The following IDE variants were observed in gnomAD, a reference collection of about 807,000 sequenced individuals.
IDE encodes the protein insulin-degrading enzyme.
Under a neutral mutation model 133.2 loss-of-function variants are expected in IDE, and 58 were observed. That is an observed-to-expected ratio of 0.44 (90% CI 0.35 to 0.54). The LOEUF (loss-of-function observed/expected upper bound fraction) is 0.54, where lower values mean the gene tolerates loss of function less well. Among genes scored for constraint, IDE ranks in the 20% least tolerant of loss-of-function variants. The pLI is 0.00. For missense variants in IDE, 981 were observed against 1,234.0 expected (o/e 0.79, Z 3.07); for synonymous variants, 396 against 421.3 (o/e 0.94, Z 0.73).
In IDE at chr10:92,515,077, C is replaced by T. The variant is rs188820973; in HGVS notation, c.662-35G>A. ...AAGAAAAGGGATTTCTTAGAAAAAG[C>T]AAAATATGTGGACTTTTAAAGTTTT... On this transcript the variant is annotated intron_variant, in intron 4 of 24. Transcript: ENST00000265986. The T allele has an allele frequency of 1.7e-4, 266 of 1,545,858 alleles. No homozygotes were observed. The African/African-American group carries it at 3.2e-3, about 19-fold the overall frequency.
chr10:92,476,928 G>A (rs1201972199), intron 15 of IDE, among the ~76,000 whole-genome samples: 1 of 152,132 alleles, frequency 6.6e-6, no homozygotes, highest in Non-Finnish European at 1.5e-5. Flanking sequence ...TAGCCCAAGA[G>A]TTTAAGACCA....
intron 11 of IDE, among the ~76,000 whole-genome samples, chr10:92,492,032 G>A (rs796851522): frequency 3.3e-5 from 5 of 152,178 alleles, no homozygotes; most frequent in African/African-American, 1.2e-4. Context: ...AGGCCAAGGC[G>A]GGAAGATCAC....
intron 4 of IDE, among the ~76,000 whole-genome samples, chr10:92,519,832 C>T (rs962772019): frequency 2.0e-5 from 3 of 152,120 alleles, no homozygotes; most frequent in Non-Finnish European, 1.5e-5. Flanking sequence ...CTGCCAGGCG[C>T]GGTGGCTGAC....
chr10:92,469,166 T>C (rs908588227), intron 18 of IDE, among the ~76,000 whole-genome samples, 176 bp from the exon 19 acceptor site: 2 of 152,196 alleles, frequency 1.3e-5, no homozygotes, highest in African/African-American at 4.8e-5. Context: ...AGAGTCAATA[T>C]GGTAGTGGTG....
chr10:92,460,091 C>A (rs1433046465), intron 22 of IDE, among the ~76,000 whole-genome samples: 3 of 152,130 alleles, frequency 2.0e-5, no homozygotes, highest in Non-Finnish European at 4.4e-5. Flanking sequence ...CCCACCTTGG[C>A]CTCCCAAAGT....
intron 11 of IDE, among the ~76,000 whole-genome samples, chr10:92,503,608 GC>G (rs1248712624): frequency 3.9e-5 from 6 of 151,992 alleles, no homozygotes; most frequent in Non-Finnish European, 7.4e-5. Context: ...ACAGTATAGT[GC>G]AAGTCATATA....
At chr10:92,546,646 A>G (rs1842544592) in intron 1 of IDE, among the ~76,000 whole-genome samples, 1 of 152,202 alleles carries the variant, frequency 6.6e-6, no homozygotes, top group African/African-American at 2.4e-5. Flanking sequence ...TCTTGGCCAC[A>G]AGAAATAGGA....
Position 92,531,846 on chromosome 10 carries a change from G to C in IDE, c.563C>G (p.Ser188Ter), listed in dbSNP as rs755075338. 1 of 1,599,186 alleles carries C rather than the reference G, an allele frequency of 6.3e-7. No individual in the cohort carries two copies. The highest frequency in any genetic ancestry group is 8.5e-7 in the Non-Finnish European group (1 of 1,170,948). ...ATTCATCACATTCTTCTCATGTTCT[G>C]AATCAACTGCATTCACCTCTCTGTC... ...CKDREVNAVD[S>*]EHEKNVMNDA... Residue 188 changes from serine (S) to a stop codon, truncating the protein, a stop_gained, in exon 4 of 25, where the codon TCA becomes TGA. Transcript: ENST00000265986. LOFTEE classifies it high-confidence loss of function.
At chr10:92,527,709 G>T (rs1266571892) in intron 4 of IDE, among the ~76,000 whole-genome samples, 1 of 152,082 alleles carries the variant, frequency 6.6e-6, no homozygotes, top group Admixed American at 6.6e-5. Context: ...GCATTTTCCT[G>T]TAATTGATTA....
At chr10:92,461,362 T>G in intron 21 of IDE, 110 bp from the exon 22 acceptor site, 3 of 528,794 alleles carry the variant, frequency 5.7e-6, no homozygotes, top group Non-Finnish European at 1.0e-5. Context: ...TATCCATATA[T>G]ATTTTTTTTT....
At chr10:92,540,665 G>A (rs574440802) in intron 1 of IDE, among the ~76,000 whole-genome samples, 98 of 152,166 alleles carry the variant, frequency 6.4e-4, no homozygotes, top group African/African-American at 2.1e-3. Context: ...ATGTAATAAT[G>A]ATGATGATGA....
chr10:92,516,952 C>A (rs1016564778), intron 4 of IDE, among the ~76,000 whole-genome samples: 2 of 152,254 alleles, frequency 1.3e-5, no homozygotes, highest in Middle Eastern at 3.4e-3. Context: ...TTCCAATGAT[C>A]GGTGTCTCTC....
intron 13 of IDE, among the ~76,000 whole-genome samples, chr10:92,485,291 A>G (rs1221228651): frequency 6.6e-6 from 1 of 151,834 alleles, no homozygotes; most frequent in Admixed American, 6.6e-5. Flanking sequence ...ACGCCCAGCT[A>G]ATTTTTTTTA....
rs745815606 is a variant in IDE at position 92,506,520 on chromosome 10, G to C, written c.1248C>G (p.Asp416Glu). The change falls in exon 10 of 25, where the codon GAC (aspartate) becomes GAG (glutamate). Residue 416 changes from aspartate (D) to glutamate (E), a missense_variant and splice_region_variant. Physicochemically the swap from Asp to Glu is conservative, Grantham distance 45 (BLOSUM62 2). Transcript: ENST00000265986. ...PQEWVFQECK[D>E]LNAVAFRFKD... ...TAAACCTAAAAGCAACAGCATTCAAGTCCTAAAATAGAAAGTTAATCCAAT... is the reference window on the plus strand; with the variant it reads ...TAAACCTAAAAGCAACAGCATTCAACTCCTAAAATAGAAAGTTAATCCAAT... The C allele has an allele frequency of 1.3e-6, 2 of 1,529,366 alleles. No individual in the cohort carries two copies. Among genetic ancestry groups the C allele is most frequent in the Non-Finnish European group, 1.8e-6 (2 of 1,107,666 alleles). The allele number at this position is 1,529,366 out of a possible 1,614,324, so 94.7% of individuals were successfully genotyped here. A position where few individuals can be genotyped will look rare whatever the true frequency, so the allele number is the denominator to read the frequency against.
At chr10:92,473,973 T>C (rs1460097250) in intron 17 of IDE, among the ~76,000 whole-genome samples, 3 of 151,822 alleles carry the variant, frequency 2.0e-5, no homozygotes, top group Non-Finnish European at 2.9e-5. Flanking sequence ...CAGAGCAGAC[T>C]CCGTCTTTAA....
At chr10:92,529,796 T>C (rs1486487253) in intron 4 of IDE, among the ~76,000 whole-genome samples, 1 of 152,240 alleles carries the variant, frequency 6.6e-6, no homozygotes, top group Non-Finnish European at 1.5e-5. Flanking sequence ...AATGTGTAAC[T>C]GCTTTCTGAT....
chr10:92,510,237 G>T (rs868306054), intron 5 of IDE, 75 bp from the exon 6 acceptor site: 43 of 738,054 alleles, frequency 5.8e-5, no homozygotes, highest in Non-Finnish European at 3.7e-5. Flanking sequence ...AAAATCTTAG[G>T]ATCTCCTGAA....
chr10:92,572,070 C>T (rs1457635645), intron 1 of IDE, among the ~76,000 whole-genome samples: 2 of 152,198 alleles, frequency 1.3e-5, no homozygotes, highest in Non-Finnish European at 2.9e-5. Context: ...CTCAAATTTC[C>T]ATCTTTGAGA....
rs978116292 is a variant in IDE, at chr10:92,573,051, A to T, written c.98+871T>A. The stretch of plus-strand genomic sequence containing the variant: ...AGTAGGTGCTGGCTATTACTGATTA[A>T]AACCAGCAGGGGTTCAAATAACGTT... On this transcript the variant is annotated intron_variant, in intron 1 of 24. Transcript: ENST00000265986. 2.3e-5 allele frequency: 23 copies of T among 985,402 alleles called. No homozygotes were observed. In the African/African-American group the frequency reaches 3.7e-4, roughly 16 times the overall value. 61.0% of individuals were successfully genotyped at this position (985,402 alleles called of 1,614,324 possible).
Sources: allele counts gnomAD v4.1 joint callset (sites outside exome capture counted in the v4.1 genomes callset), GRCh38; gene constraint gnomAD v4.1.1; transcripts MANE v1.5; gene names NCBI Gene and HGNC (gene_info 2026-07-23, HGNC 2026-07-21).